The following ARL6IP6 variants were observed in gnomAD, a reference collection of about 807,000 sequenced individuals.
ARL6IP6 encodes ADP-ribosylation factor-like protein 6-interacting protein 6.
A neutral mutation model predicts 21.5 loss-of-function variants in ARL6IP6; 22 were observed. The ratio of observed to expected loss-of-function variants is 1.02; its 90% CI spans 0.73 to 1.46. The LOEUF is 1.46. ARL6IP6 is among the 40% of genes most tolerant of loss of function. The pLI is 0.00. For synonymous variants in ARL6IP6, 164 were observed against 125.3 expected (o/e 1.31, Z -2.06); for missense variants, 388 against 299.8 (o/e 1.29, Z -2.17).
chr2:152,718,859 G>A lies in ARL6IP6; in HGVS notation c.235G>A (p.Gly79Arg). Residue 79 changes from glycine (G) to arginine (R), a missense_variant, in exon 1 of 4, where the codon GGG becomes AGG. Transcript: ENST00000326446. ...CTCGGTGCTCCCGCCGGACGGGAACGGGTCGCCCGTTCTGCCCGATAAGCG... is the reference window on the plus strand; with the variant it reads ...CTCGGTGCTCCCGCCGGACGGGAACAGGTCGCCCGTTCTGCCCGATAAGCG... ...KRSVLPPDGN[G>R]SPVLPDKRNG... 1.2e-6 allele frequency: 2 copies of A among 1,613,320 alleles called. No individual in the cohort carries two copies. Among genetic ancestry groups the A allele is most frequent in the Non-Finnish European group, 1.7e-6 (2 of 1,179,598 alleles).
chr2:152,739,623 T>C (rs952183473), intron 3 of ARL6IP6, among the ~76,000 whole-genome samples: 9 of 152,186 alleles, frequency 5.9e-5, no homozygotes, highest in Admixed American at 5.2e-4. Context: ...CCCTCCAAAC[T>C]ATTTCAACCT....
chr2:152,719,301 T>C (rs1306545618), intron 1 of ARL6IP6, among the ~76,000 whole-genome samples: 3 of 152,158 alleles, frequency 2.0e-5, no homozygotes, highest in African/African-American at 7.2e-5. Flanking sequence ...ACACTGGGGA[T>C]GAAATATTGT....
At chr2:152,718,354 C>T, upstream of ARL6IP6, 1 of 380,650 alleles carries the variant, frequency 2.6e-6, no homozygotes, top group Non-Finnish European at 4.5e-6. Context: ...TACTCGACAG[C>T]CTTCGGCCTC....
At chr2:152,741,795 A>G (rs2105149208) in intron 3 of ARL6IP6, among the ~76,000 whole-genome samples, 1 of 152,322 alleles carries the variant, frequency 6.6e-6, no homozygotes, top group Admixed American at 6.5e-5. Context: ...AGATGGTTCC[A>G]TGTATTTGTA....
At chr2:152,723,202 A>G (rs1446784159) in intron 2 of ARL6IP6, among the ~76,000 whole-genome samples, 1 of 152,344 alleles carries the variant, frequency 6.6e-6, no homozygotes, top group Non-Finnish European at 1.5e-5. Flanking sequence ...CATCCTTTTT[A>G]CAATTAATAA....
chr2:152,726,073 A>T (rs1700033745), intron 2 of ARL6IP6, among the ~76,000 whole-genome samples: 1 of 152,154 alleles, frequency 6.6e-6, no homozygotes, highest in Non-Finnish European at 1.5e-5. Flanking sequence ...AAGCTGGATG[A>T]TGGGTATATG....
chr2:152,730,445 C>A (rs1405089334), intron 2 of ARL6IP6, among the ~76,000 whole-genome samples: 2 of 152,084 alleles, frequency 1.3e-5, no homozygotes, highest in Non-Finnish European at 2.9e-5. Context: ...TATTTTCTCC[C>A]CTCTTTAGAC....
intron 3 of ARL6IP6, among the ~76,000 whole-genome samples, chr2:152,742,570 TAAAAAAAAAAA>T (rs71396304): frequency 2.6e-5 from 3 of 115,994 alleles, no homozygotes; most frequent in African/African-American, 9.9e-5. Context: ...ATACGCTCTT[TAAAAAAAAAAA>T]AAAAAAAAAA....
intron 1 of ARL6IP6, 144 bp downstream of exon 1, chr2:152,719,168 T>C: frequency 2.1e-6 from 2 of 943,962 alleles, no homozygotes; most frequent in Non-Finnish European, 3.0e-6. Flanking sequence ...TGCATCTTAC[T>C]TTGCTCTCCC....
intron 3 of ARL6IP6, among the ~76,000 whole-genome samples, chr2:152,750,833 A>G (rs1270189732): frequency 6.6e-6 from 1 of 152,242 alleles, no homozygotes; most frequent in Non-Finnish European, 1.5e-5. Context: ...TGTGCAATGT[A>G]TTTAAGTACA....
intron 3 of ARL6IP6, 66 bp downstream of exon 3, chr2:152,735,192 C>G: frequency 6.4e-7 from 1 of 1,559,822 alleles, no homozygotes; most frequent in South Asian, 1.1e-5. Context: ...CTAAAATACT[C>G]AGAAGCAAGA....
chr2:152,724,614 C>G lies in ARL6IP6; in HGVS notation c.454+4028C>G, dbSNP rs142649647. On this transcript the variant is annotated intron_variant, in intron 2 of 3. Coordinates refer to ENST00000326446, the MANE Select transcript of ARL6IP6 (RefSeq NM_152522.7). ...ACCAGACATTAGGACCCCTAAATCT[C>G]AATAAATTGAGTTGACATTGTGTGG... Among the ~76,000 whole-genome samples the G allele has an allele frequency of 1.8e-3, 275 of 152,250 alleles. 1 individual carries two copies. The highest frequency in any genetic ancestry group is 6.8e-3 in the Middle Eastern group (2 of 294).
chr2:152,718,491 C>T (rs1399437502), upstream of ARL6IP6: 5 of 1,319,738 alleles, frequency 3.8e-6, no homozygotes, highest in Middle Eastern at 2.8e-4. Context: ...GCCGCCCACC[C>T]TTGCTCTCCG....
chr2:152,718,851 A>C lies in ARL6IP6; in HGVS notation c.227A>C (p.Asp76Ala). The C allele has an allele frequency of 1.2e-6, 2 of 1,612,682 alleles. No individual in the cohort carries two copies. Among genetic ancestry groups the C allele is most frequent in the Non-Finnish European group, 1.7e-6 (2 of 1,179,254 alleles). The change falls in exon 1 of 4, where the codon GAC becomes GCC. Residue 76 changes from aspartate (D) to alanine (A), a missense_variant. Transcript: ENST00000326446. The part of the protein sequence containing the change: ...EPRKRSVLPP[D>A]GNGSPVLPDK... ...AGAAAGCGCTCGGTGCTCCCGCCGG[A>C]CGGGAACGGGTCGCCCGTTCTGCCC...
rs1435526792 is a variant in ARL6IP6, at chr2:152,718,623, CCAT to C, written c.-1_2del. The C allele has an allele frequency of 4.6e-6, 7 of 1,519,020 alleles. No homozygotes were observed. The highest frequency in any genetic ancestry group is 6.2e-6 in the Non-Finnish European group (7 of 1,132,966). The allele number at this position is 1,519,020 out of a possible 1,614,324, so 94.1% of individuals were successfully genotyped here. A position where few individuals can be genotyped will look rare whatever the true frequency, so the allele number is the denominator to read the frequency against. ...TCCGCGGGTTTCGTTGTGTTTCGCG[CCAT>C]GTCGTTTGCTGAGAGCGGGTGGCGG... On this transcript the variant is annotated start_lost and 5_prime_UTR_variant, in exon 1 of 4. Transcript: ENST00000326446.
At chr2:152,717,983 C>G (rs558206240), upstream of ARL6IP6, 15 of 999,624 alleles carry the variant, frequency 1.5e-5, no homozygotes, top group East Asian at 1.6e-3. Context: ...GGTTCGATCT[C>G]CGTACGCACC....
chr2:152,723,183 A>G lies in ARL6IP6; in HGVS notation c.454+2597A>G, dbSNP rs191663624. Among the ~76,000 whole-genome samples the G allele has an allele frequency of 8.7e-4, 132 of 152,350 alleles. 3 individuals carry two copies. In the South Asian group the frequency reaches 0.011, roughly 12 times the overall value. The stretch of plus-strand genomic sequence containing the variant: ...TTAGTTTACCCCTGAGGAGATGCCT[A>G]TGAAGTTACATCCTTTTTACAATTA... On this transcript the variant is annotated intron_variant, in intron 2 of 3. Coordinates refer to ENST00000326446, the MANE Select transcript of ARL6IP6 (RefSeq NM_152522.7).
chr2:152,740,298 C>A (rs570853662), intron 3 of ARL6IP6, among the ~76,000 whole-genome samples: 10 of 152,130 alleles, frequency 6.6e-5, no homozygotes, highest in Non-Finnish European at 1.0e-4. Flanking sequence ...CAGGATTTTG[C>A]CATGTGCCCA....
chr2:152,732,555 T>A, intron 2 of ARL6IP6: 1 of 460,818 alleles, frequency 2.2e-6, no homozygotes, highest in South Asian at 1.6e-5. Flanking sequence ...AGCAGGAAAT[T>A]TTCCCTTATG....
Sources: allele counts gnomAD v4.1 joint callset (sites outside exome capture counted in the v4.1 genomes callset), GRCh38; gene constraint gnomAD v4.1.1; transcripts MANE v1.5; gene names NCBI Gene and HGNC (gene_info 2026-07-23, HGNC 2026-07-21).